The following SAMD12 variants were observed in gnomAD, a reference collection of about 807,000 sequenced individuals.
The protein encoded by SAMD12 is sterile alpha motif domain-containing protein 12.
A neutral mutation model predicts 15.0 loss-of-function variants in SAMD12; 9 were observed. The ratio of observed to expected loss-of-function variants is 0.60; its 90% CI spans 0.36 to 1.05. SAMD12 has a LOEUF of 1.05. SAMD12 is among the 50% of genes least tolerant of loss of function. The pLI is 0.01. For synonymous variants in SAMD12, 86 were observed against 90.1 expected, an observed-to-expected ratio of 0.96 and a Z score of 0.25; for missense variants, 230 against 234.2, an observed-to-expected ratio of 0.98 and a Z score of 0.12.
intron 1 of SAMD12, among the ~76,000 whole-genome samples, chr8:118,581,648 T>C (rs1318170000): frequency 6.6e-6 from 1 of 152,214 alleles, no homozygotes; most frequent in Non-Finnish European, 1.5e-5. Flanking sequence ...GGGATATTTA[T>C]TCATCTAACA....
In SAMD12 at chr8:118,378,308, T is replaced by C; in HGVS notation, c.*1109A>G. The C allele has an allele frequency of 1.2e-6, 1 of 815,474 alleles. No homozygotes were observed. The highest frequency in any genetic ancestry group is 5.6e-5 in the South Asian group (1 of 17,800). The allele number at this position is 815,474 out of a possible 1,614,324, so 50.5% of individuals were successfully genotyped here. A position where few individuals can be genotyped will look rare whatever the true frequency, so the allele number is the denominator to read the frequency against. On this transcript the variant is annotated 3_prime_UTR_variant, in exon 4 of 4. Coordinates refer to ENST00000314727, the MANE Select transcript of SAMD12 (RefSeq NM_207506.3). ...TTTTCCAAATAGCACTGTGACAGAC[T>C]TTCTTATCATAATCTTCGTATTTCT...
At chr8:118,500,141 C>T (rs1435641938) in intron 2 of SAMD12, among the ~76,000 whole-genome samples, 2 of 127,962 alleles carry the variant, frequency 1.6e-5, no homozygotes, top group African/African-American at 3.0e-5. Context: ...GGCAATGGCG[C>T]GATCTTGGCT....
At chr8:118,186,036 G>A (rs374987162), downstream of SAMD12, among the ~76,000 whole-genome samples, 116 of 152,234 alleles carry the variant, frequency 7.6e-4, no homozygotes, top group African/African-American at 2.6e-3. Flanking sequence ...ATTCTCTGGG[G>A]GAAAACAGTT....
At chr8:118,359,201 A>G (rs953799308) in intron 4 of SAMD12, among the ~76,000 whole-genome samples, 2 of 152,186 alleles carry the variant, frequency 1.3e-5, no homozygotes, top group African/African-American at 2.4e-5. Context: ...GGTCATTAGG[A>G]TAAGTTCTAA....
Position 118,439,936 on chromosome 8 carries a change from G to C in SAMD12, c.218C>G (p.Pro73Arg). Reference protein sequence around the residue: ...AKSATVKLSKPVALWTQQDVC... With the variant: ...AKSATVKLSKRVALWTQQDVC... ...ATCCTGCTGGGTCCATAGAGCCACC[G>C]GTTTAGATAGCTTCACCGTAGCTGA... Residue 73 changes from proline (P) to arginine (R), a missense_variant, in exon 3 of 4, where the codon CCG (proline) becomes CGG (arginine). Pro to Arg is a moderately radical substitution (Grantham distance 103). Transcript: ENST00000314727. 6.2e-7 allele frequency: 1 copy of C among 1,613,620 alleles called. No individual in the cohort carries two copies. The highest frequency in any genetic ancestry group is 8.5e-7 in the Non-Finnish European group (1 of 1,179,644).
At chr8:118,151,822 T>A in the SAMD12 span, among the ~76,000 whole-genome samples, 629 of 134,138 alleles carry the variant, frequency 4.7e-3, 5 homozygotes, top group African/African-American at 0.016. Context: ...AGACAGAGAC[T>A]CTGTCTCAAA....
chr8:118,148,820 A>G, the SAMD12 span, among the ~76,000 whole-genome samples: 1 of 152,170 alleles, frequency 6.6e-6, no homozygotes, highest in African/African-American at 2.4e-5. Context: ...CACTTAGCAT[A>G]ATGTTTTTGA....
intron 2 of SAMD12, among the ~76,000 whole-genome samples, chr8:118,527,111 T>C (rs1825556375): frequency 6.6e-6 from 1 of 152,216 alleles, no homozygotes; most frequent in African/African-American, 2.4e-5. Flanking sequence ...TTCTGATCCT[T>C]CCCTTCTCTT....
chr8:118,464,164 G>A (rs1004834430), intron 2 of SAMD12, among the ~76,000 whole-genome samples: 1 of 152,064 alleles, frequency 6.6e-6, no homozygotes, highest in Non-Finnish European at 1.5e-5. Flanking sequence ...ATAAACAAAG[G>A]CTGGGAGAAG....
intron 4 of SAMD12, among the ~76,000 whole-genome samples, chr8:118,219,215 T>A (rs1458745412): frequency 6.6e-6 from 1 of 152,216 alleles, no homozygotes; most frequent in African/African-American, 2.4e-5. Context: ...TATTTTATTA[T>A]ATACTCGAAT....
At position 118,355,515 on chromosome 8, in the gene SAMD12, G is replaced by GA. The variant is rs926579371; in HGVS notation, c.433+24044dup. On this transcript the variant is annotated intron_variant, in intron 4 of 4. Transcript: ENST00000409003. ...ACCAGCTGTTCTCCAAAAGCTTATG[G>GA]AAAAAAAATTATTAAAAAATAAGGA... 4.6e-5 allele frequency among the ~76,000 whole-genome samples: 7 copies of GA among 151,960 alleles called. No homozygotes were observed. The East Asian group carries it at 1.2e-3, about 25-fold the overall frequency.
In SAMD12 at chr8:118,197,754, A is replaced by C. The variant is rs750455075; in HGVS notation, c.434-22T>G. On this transcript the variant is annotated intron_variant, in intron 4 of 4. Transcript: ENST00000409003. ...GATGCTGCAAGAAGAAAAAGGGGGA[A>C]ATATGGTAAGTTCTTTCCTTTATGT... 38 of 1,610,492 alleles carry C rather than the reference A, an allele frequency of 2.4e-5. No individual in the cohort carries two copies. The South Asian group carries it at 4.0e-4, about 17-fold the overall frequency.
At chr8:118,321,149 ATATATATATATATATATATATAT>A (rs1816249986) in intron 4 of SAMD12, among the ~76,000 whole-genome samples, 3 of 12,554 alleles carry the variant, frequency 2.4e-4, no homozygotes, top group East Asian at 9.9e-4. Flanking sequence ...TAATAAATAT[ATATATATATATATATATATATAT>A]ATATATATAT....
Position 118,553,710 on chromosome 8 carries a change from C to T in SAMD12, c.192+27005G>A, listed in dbSNP as rs545166309. Among the ~76,000 whole-genome samples, 257 of 151,588 alleles carry T rather than the reference C, an allele frequency of 1.7e-3. 2 individuals carry two copies. The highest frequency in any genetic ancestry group is 5.9e-3 in the African/African-American group (242 of 41,034). On this transcript the variant is annotated intron_variant, in intron 2 of 3. Coordinates refer to ENST00000314727, the MANE Select transcript of SAMD12 (RefSeq NM_207506.3). ...ATCTAATTAAACTAAAGAGCTTCTG[C>T]ACAGCAAAAGAAACTGCCATCAGAG... is the stretch of plus-strand genomic sequence containing the variant.
the SAMD12 span, among the ~76,000 whole-genome samples, chr8:118,158,795 G>T: frequency 6.6e-6 from 1 of 152,106 alleles, no homozygotes; most frequent in African/African-American, 2.4e-5. Context: ...CAAATGATGG[G>T]ATGACTTACC....
At chr8:118,213,641 C>A (rs1811891013) in intron 4 of SAMD12, among the ~76,000 whole-genome samples, 1 of 152,162 alleles carries the variant, frequency 6.6e-6, no homozygotes, top group Non-Finnish European at 1.5e-5. Context: ...GGTGGCTTGC[C>A]ATGCAGCAGA....
At chr8:118,602,261 C>T (rs1033554075) in intron 1 of SAMD12, among the ~76,000 whole-genome samples, 1 of 152,194 alleles carries the variant, frequency 6.6e-6, no homozygotes, top group Admixed American at 6.5e-5. Context: ...CACTACAGCA[C>T]TAGAATGGGA....
At chr8:118,526,382 G>A (rs1414397414) in intron 2 of SAMD12, among the ~76,000 whole-genome samples, 3 of 151,970 alleles carry the variant, frequency 2.0e-5, no homozygotes, top group East Asian at 1.9e-4. Flanking sequence ...CCTTGCTACC[G>A]ATCAGAATCA....
intron 1 of SAMD12, among the ~76,000 whole-genome samples, chr8:118,594,554 A>G (rs564202787): frequency 2.6e-5 from 4 of 152,344 alleles, no homozygotes; most frequent in Admixed American, 1.3e-4. Flanking sequence ...GGAGGTGGAA[A>G]TAAAAGCTGT....
Sources: allele counts gnomAD v4.1 joint callset (sites outside exome capture counted in the v4.1 genomes callset), GRCh38; gene constraint gnomAD v4.1.1; transcripts MANE v1.5; gene names NCBI Gene and HGNC (gene_info 2026-07-23, HGNC 2026-07-21).